CTNND2: variants seen among roughly 807,000 people sequenced by gnomAD.
The protein encoded by CTNND2 is catenin delta 2, also known as catenin delta-2.
Under a neutral mutation model 144.4 loss-of-function variants are expected in CTNND2, and 22 were observed. The observed-to-expected ratio is 0.15, with a 90% CI of 0.11 to 0.22. CTNND2 has a LOEUF of 0.22. Ranked by LOEUF, CTNND2 falls within the 10% of genes least tolerant of loss-of-function variation. The pLI, the probability that CTNND2 is intolerant of heterozygous loss-of-function variation, is 1.00. For missense variants in CTNND2, 1,353 were observed against 1,618.8 expected (o/e 0.84, Z 2.82); for synonymous variants, 751 against 695.6 (o/e 1.08, Z -1.25).
intron 20 of CTNND2, among the ~76,000 whole-genome samples, chr5:10,987,421 TGGCTGATGAGAAAGGAA>T (rs2149493301): frequency 6.6e-6 from 1 of 152,308 alleles, no homozygotes; most frequent in East Asian, 1.9e-4. Flanking sequence ...CATAGAGTCT[TGGCTGATGAGAAAGGAA>T]GGCAATGGCT....
At chr5:11,573,408 G>T (rs1462263570) in intron 2 of CTNND2, among the ~76,000 whole-genome samples, 2 of 152,114 alleles carry the variant, frequency 1.3e-5, no homozygotes, top group Admixed American at 1.3e-4. Context: ...TGAATGAGTT[G>T]ACTCTACAGC....
At chr5:11,094,859 T>C (rs1751172501) in intron 15 of CTNND2, among the ~76,000 whole-genome samples, 2 of 152,198 alleles carry the variant, frequency 1.3e-5, no homozygotes, top group South Asian at 4.1e-4. Context: ...CAGCTTCTGT[T>C]ATGCTGACTT....
intron 3 of CTNND2, among the ~76,000 whole-genome samples, chr5:11,561,859 T>C (rs1481242731): frequency 6.6e-6 from 1 of 152,122 alleles, no homozygotes; most frequent in Non-Finnish European, 1.5e-5. Flanking sequence ...CTGGCCAACA[T>C]GGTGAAACCC....
At chr5:11,392,069 A>T (rs1284239583) in intron 6 of CTNND2, among the ~76,000 whole-genome samples, 1 of 152,232 alleles carries the variant, frequency 6.6e-6, no homozygotes, top group African/African-American at 2.4e-5. Flanking sequence ...GAGAGAAAGA[A>T]CAAGAGAGAA....
At position 11,828,138 on chromosome 5, in the gene CTNND2, G is replaced by A. The variant is rs374862939; in HGVS notation, c.37+75679C>T. ...TCTTGAATTCCCATATGTTGTGGGA[G>A]GAACCCAGTGGGATATAATTAAACC... On this transcript the variant is annotated intron_variant, in intron 1 of 21. Coordinates refer to ENST00000304623, the MANE Select transcript of CTNND2 (RefSeq NM_001332.4). 2.6e-5 allele frequency among the ~76,000 whole-genome samples: 4 copies of A among 152,192 alleles called. No homozygotes were observed. The East Asian group carries it at 7.7e-4, about 29-fold the overall frequency.
chr5:11,717,584 A>AG (rs1786424621), intron 2 of CTNND2, among the ~76,000 whole-genome samples: 1 of 152,004 alleles, frequency 6.6e-6, no homozygotes. Flanking sequence ...GAAAAAAAAA[A>AG]AAAAAAGATG....
At chr5:11,466,941 T>C (rs148429639) in intron 3 of CTNND2, among the ~76,000 whole-genome samples, 19 of 152,334 alleles carry the variant, frequency 1.2e-4, no homozygotes, top group African/African-American at 4.1e-4. Flanking sequence ...ATCTGTGCTA[T>C]GCCAATCTTC....
intron 2 of CTNND2, among the ~76,000 whole-genome samples, chr5:11,703,845 T>C (rs997240931): frequency 6.6e-6 from 1 of 152,218 alleles, no homozygotes; most frequent in African/African-American, 2.4e-5. Flanking sequence ...CAGACCCCCG[T>C]ATCTCTGATC....
At chr5:11,779,685 T>C (rs1261510305) in intron 1 of CTNND2, among the ~76,000 whole-genome samples, 1 of 152,238 alleles carries the variant, frequency 6.6e-6, no homozygotes, top group East Asian at 1.9e-4. Flanking sequence ...GATGTATAAA[T>C]ATCAAATGGT....
At chr5:11,185,591 G>T (rs764996994) in intron 11 of CTNND2, among the ~76,000 whole-genome samples, 1 of 152,206 alleles carries the variant, frequency 6.6e-6, no homozygotes, top group Non-Finnish European at 1.5e-5. Flanking sequence ...TGATGGCAAC[G>T]ACAACAGCCG....
intron 1 of CTNND2, among the ~76,000 whole-genome samples, chr5:11,876,918 T>C (rs1735610055): frequency 6.6e-6 from 1 of 152,226 alleles, no homozygotes; most frequent in African/African-American, 2.4e-5. Context: ...TTGTTAATTA[T>C]GACAGTTAAG....
chr5:11,892,093 T>A (rs1291120116), intron 1 of CTNND2, among the ~76,000 whole-genome samples: 1 of 152,236 alleles, frequency 6.6e-6, no homozygotes, highest in East Asian at 1.9e-4. Flanking sequence ...ACATCACACA[T>A]CTGCACATCA....
chr5:11,591,129 C>T (rs1240717180), intron 2 of CTNND2, among the ~76,000 whole-genome samples: 1 of 152,152 alleles, frequency 6.6e-6, no homozygotes, highest in Non-Finnish European at 1.5e-5. Flanking sequence ...TTATGTAACC[C>T]TCAGAGGCAT....
intron 18 of CTNND2, among the ~76,000 whole-genome samples, chr5:11,001,529 G>A (rs1739962325): frequency 6.7e-6 from 1 of 148,564 alleles, no homozygotes. Flanking sequence ...TAAGATGACA[G>A]TATTAATTAT....
At chr5:11,148,055 G>T (rs1757415867) in intron 12 of CTNND2, among the ~76,000 whole-genome samples, 1 of 152,212 alleles carries the variant, frequency 6.6e-6, no homozygotes, top group Non-Finnish European at 1.5e-5. Flanking sequence ...CATGCTAAGT[G>T]AAGGAAGCCA....
At chr5:11,473,491 A>G (rs941756325) in intron 3 of CTNND2, among the ~76,000 whole-genome samples, 1 of 152,244 alleles carries the variant, frequency 6.6e-6, no homozygotes, top group Non-Finnish European at 1.5e-5. Context: ...TAGATGCGGC[A>G]GCATCATCAA....
intron 10 of CTNND2, 122 bp downstream of exon 10, chr5:11,236,569 T>C: frequency 9.3e-7 from 1 of 1,076,882 alleles, no homozygotes. Context: ...TAGTCATAAA[T>C]ATAGATCTAA....
chr5:10,984,222 C>T (rs144011649), intron 20 of CTNND2, among the ~76,000 whole-genome samples: 1 of 152,296 alleles, frequency 6.6e-6, no homozygotes, highest in Non-Finnish European at 1.5e-5. Flanking sequence ...TGTCCTGCTG[C>T]TACCTCCGTA....
intron 1 of CTNND2, among the ~76,000 whole-genome samples, chr5:11,765,279 G>C (rs958299276): frequency 3.2e-4 from 48 of 152,274 alleles, no homozygotes; most frequent in Non-Finnish European, 1.9e-4. Flanking sequence ...ACACACTGCT[G>C]GGCCAAATGC....
Sources: gnomAD v4.1 joint callset for allele counts (sites outside exome capture counted in the v4.1 genomes callset) on GRCh38, gnomAD v4.1.1 for gene constraint, MANE v1.5 for transcripts, NCBI Gene and HGNC (gene_info 2026-07-23, HGNC 2026-07-21) for gene names.